The following JAKMIP1 variants were observed in gnomAD, a reference collection of about 807,000 sequenced individuals.
The protein encoded by JAKMIP1 is janus kinase and microtubule interacting protein 1.
In JAKMIP1, 33 loss-of-function variants were observed where a neutral mutation model predicts 113.0. That is an observed-to-expected ratio of 0.29 (90% CI 0.22 to 0.39). The LOEUF (loss-of-function observed/expected upper bound fraction) is 0.39, where lower values mean the gene tolerates loss of function less well. Among genes scored for constraint, JAKMIP1 ranks in the 10% least tolerant of loss-of-function variants. The probability of loss-of-function intolerance (pLI) is 1.00; values close to 1 mark genes in which losing one functional copy is unlikely to be tolerated. For synonymous variants in JAKMIP1, 480 were observed against 459.9 expected, an observed-to-expected ratio of 1.04 and a Z score of -0.56; for missense variants, 813 against 1,080.5, an observed-to-expected ratio of 0.75 and a Z score of 3.47.
chr4:6,146,015 C>T lies in JAKMIP1; in HGVS notation c.-147-33018G>A, dbSNP rs528876376. On this transcript the variant is annotated intron_variant, in intron 1 of 20. Transcript: ENST00000409021. ...GGGGGACACATTTCAGCCCATAGCA[C>T]GTTGCAAGTGTCTCTCAATAGATGA... Among the ~76,000 whole-genome samples, 8 of 152,254 alleles carry T rather than the reference C, an allele frequency of 5.3e-5. No homozygotes were observed. In the East Asian group the frequency reaches 5.8e-4, roughly 11 times the overall value.
At chr4:6,164,824 G>T (rs1197281362) in intron 1 of JAKMIP1, among the ~76,000 whole-genome samples, 3 of 152,244 alleles carry the variant, frequency 2.0e-5, no homozygotes, top group African/African-American at 7.2e-5. Context: ...CCGAAGATGT[G>T]AGTGAACTGC....
chr4:6,073,236 G>T (rs3901457), intron 8 of JAKMIP1, among the ~76,000 whole-genome samples: 2 of 151,856 alleles, frequency 1.3e-5, no homozygotes, highest in South Asian at 4.2e-4. Flanking sequence ...AGGGGCGTGG[G>T]GCTAGGAGTC....
chr4:6,090,269 G>C (rs1449331705), intron 3 of JAKMIP1, among the ~76,000 whole-genome samples: 1 of 152,076 alleles, frequency 6.6e-6, no homozygotes, highest in East Asian at 1.9e-4. Flanking sequence ...GACATGCAGG[G>C]GAGAAGGCCA....
chr4:6,101,732 CAAAAAAAA>C (rs56084278), intron 3 of JAKMIP1, among the ~76,000 whole-genome samples: 12 of 96,570 alleles, frequency 1.2e-4, no homozygotes, highest in African/African-American at 4.5e-4. Context: ...ACTAAAAATA[CAAAAAAAA>C]AAAAAAAAAA....
chr4:6,062,061 A>G (rs1044012327), intron 10 of JAKMIP1, among the ~76,000 whole-genome samples: 1 of 152,234 alleles, frequency 6.6e-6, no homozygotes, highest in Admixed American at 6.5e-5. Context: ...GCTCTCCTCC[A>G]AACAGACGGC....
chr4:6,057,132 C>T (rs1716587201), intron 11 of JAKMIP1, among the ~76,000 whole-genome samples: 1 of 152,184 alleles, frequency 6.6e-6, no homozygotes, highest in African/African-American at 2.4e-5. Flanking sequence ...TTGTTCATTC[C>T]ACTCTCTCTG....
At position 6,108,390 on chromosome 4, in the gene JAKMIP1, C is replaced by T. The variant is rs1714322842; in HGVS notation, c.130-2423G>A. ...AGAGGCACCTACACCAGCCGCTCCT[C>T]AGCACTTGGACTCTAAATGCAGCCA... On this transcript the variant is annotated intron_variant, in intron 2 of 20. Coordinates refer to ENST00000409021, the MANE Select transcript of JAKMIP1 (RefSeq NM_001099433.2). The surrounding 1 kb of genome is among the most constrained non-coding windows in gnomAD (Gnocchi z 5.6). Among the ~76,000 whole-genome samples, 1 of 152,198 alleles carries T rather than the reference C, an allele frequency of 6.6e-6. No individual in the cohort carries two copies. The highest frequency in any genetic ancestry group is 2.1e-4 in the South Asian group (1 of 4,824).
At chr4:6,034,975 G>C (rs1713211693) in intron 19 of JAKMIP1, among the ~76,000 whole-genome samples, 1 of 152,164 alleles carries the variant, frequency 6.6e-6, no homozygotes, top group Non-Finnish European at 1.5e-5. Context: ...GAGGAGAGGA[G>C]CATGCTGCTA....
rs1269704217 is a variant in JAKMIP1, at chr4:6,140,390, ACTGTCC to A, written c.-147-27399_-147-27394del. 6.6e-6 allele frequency among the ~76,000 whole-genome samples: 1 copy of A among 151,908 alleles called. No individual in the cohort carries two copies. Among genetic ancestry groups the A allele is most frequent in the Non-Finnish European group, 1.5e-5 (1 of 68,016 alleles). On this transcript the variant is annotated intron_variant, in intron 1 of 20. Coordinates refer to ENST00000409021, the MANE Select transcript of JAKMIP1 (RefSeq NM_001099433.2). This position sits in a 1 kb window ranked among gnomAD's most constrained non-coding sequence, Gnocchi z 9.4. ...GTGGCGAGGCTGGCTCAGCAGGAGC[ACTGTCC>A]CTGTTCCCCCAAAAGGCCCACCACA... is the stretch of plus-strand genomic sequence containing the variant.
rs1210793357 is a variant in JAKMIP1 at position 6,194,795 on chromosome 4, C to A, written c.-148+5458G>T. On this transcript the variant is annotated intron_variant, in intron 1 of 20. Coordinates refer to ENST00000409021, the MANE Select transcript of JAKMIP1 (RefSeq NM_001099433.2). The surrounding 1 kb of genome is among the most constrained non-coding windows in gnomAD (Gnocchi z 7.4). Reference sequence around the variant, plus strand: ...AGCCAGTCTAAGCCACGGTGGGAGACAGGAGAGCAGGCAGCCTGTACCCAG... The same window carrying A: ...AGCCAGTCTAAGCCACGGTGGGAGAAAGGAGAGCAGGCAGCCTGTACCCAG... 5.3e-5 allele frequency among the ~76,000 whole-genome samples: 8 copies of A among 152,194 alleles called. No homozygotes were observed. Among genetic ancestry groups the A allele is most frequent in the Admixed American group, 5.2e-4 (8 of 15,280 alleles).
chr4:6,104,354 C>A (rs548566357), intron 3 of JAKMIP1, among the ~76,000 whole-genome samples: 1 of 151,544 alleles, frequency 6.6e-6, no homozygotes, highest in East Asian at 1.9e-4. Flanking sequence ...TAATTTTTTT[C>A]TTTTATACAT....
Position 6,040,548 on chromosome 4 carries a change from C to T in JAKMIP1, c.2175+91G>A, listed in dbSNP as rs145222550. 2.1e-5 allele frequency: 18 copies of T among 845,066 alleles called. No individual in the cohort carries two copies. The East Asian group carries it at 2.6e-4, about 12-fold the overall frequency. 52.3% of individuals were successfully genotyped at this position (845,066 alleles called of 1,614,324 possible). ...ATCACTCCTGTTTGGCACTGGGGAG[C>T]GCCCTAAATGCAGTTTCAGCCCCAG... On this transcript the variant is annotated intron_variant, in intron 18 of 20. Transcript: ENST00000409021. This position sits in a 1 kb window ranked among gnomAD's most constrained non-coding sequence, Gnocchi z 5.8.
At position 6,093,182 on chromosome 4, in the gene JAKMIP1, G is replaced by T. The variant is rs999623329; in HGVS notation, c.625-7553C>A. ...TCACTTCCTCTGTGAAATGACTCCT[G>T]CATCTACCCACAGAAGTGATCACAT... On this transcript the variant is annotated intron_variant, in intron 3 of 20. Transcript: ENST00000409021. The surrounding 1 kb of genome is among the most constrained non-coding windows in gnomAD (Gnocchi z 4.6). 3.3e-5 allele frequency among the ~76,000 whole-genome samples: 5 copies of T among 152,098 alleles called. No individual in the cohort carries two copies. The highest frequency in any genetic ancestry group is 1.2e-4 in the African/African-American group (5 of 41,394).
rs945753081 is a variant in JAKMIP1 at position 6,196,659 on chromosome 4, G to T, written c.-148+3594C>A. Among the ~76,000 whole-genome samples the T allele has an allele frequency of 6.6e-5, 10 of 152,276 alleles. No homozygotes were observed. The East Asian group carries it at 1.9e-3, about 29-fold the overall frequency. On this transcript the variant is annotated intron_variant, in intron 1 of 20. Coordinates refer to ENST00000409021, the MANE Select transcript of JAKMIP1 (RefSeq NM_001099433.2). ...ACCTGAGGTGAGGTCAGGAGTTTGA[G>T]ACCAGCCTGGTTAACATGGTGAAAC...
Position 6,040,538 on chromosome 4 carries a change from C to T in JAKMIP1, c.2175+101G>A. 1.3e-6 allele frequency: 1 copy of T among 788,098 alleles called. No individual in the cohort carries two copies. Among genetic ancestry groups the T allele is most frequent in the South Asian group, 1.4e-5 (1 of 69,046 alleles). 48.8% of individuals were successfully genotyped at this position (788,098 alleles called of 1,614,324 possible). On this transcript the variant is annotated intron_variant, in intron 18 of 20. Transcript: ENST00000409021. The surrounding 1 kb of genome is among the most constrained non-coding windows in gnomAD (Gnocchi z 5.8). ...TGGCATTTTTATCACTCCTGTTTGG[C>T]ACTGGGGAGCGCCCTAAATGCAGTT...
chr4:6,109,703 A>G (rs1714601106), intron 2 of JAKMIP1, among the ~76,000 whole-genome samples: 1 of 152,078 alleles, frequency 6.6e-6, no homozygotes, highest in South Asian at 2.1e-4. Context: ...ATAGACAGAC[A>G]CGTTTACCAC....
At chr4:6,047,532 G>T (rs1560107876) in intron 16 of JAKMIP1, among the ~76,000 whole-genome samples, 1 of 152,216 alleles carries the variant, frequency 6.6e-6, no homozygotes, top group African/African-American at 2.4e-5. Flanking sequence ...GAAGACACAA[G>T]CTCAGCCAGG....
chr4:6,087,972 C>T (rs1177376691), intron 3 of JAKMIP1, among the ~76,000 whole-genome samples: 1 of 152,198 alleles, frequency 6.6e-6, no homozygotes, highest in Non-Finnish European at 1.5e-5. Flanking sequence ...GGAGCACTGT[C>T]CCTTCCACAG....
At chr4:6,079,563 A>T (rs1720202324) in intron 7 of JAKMIP1, among the ~76,000 whole-genome samples, 1 of 152,228 alleles carries the variant, frequency 6.6e-6, no homozygotes, top group Admixed American at 6.5e-5. Context: ...TCTAAGATCC[A>T]ACTAAAGCTC....
Sources: gnomAD v4.1 joint callset for allele counts (sites outside exome capture counted in the v4.1 genomes callset) on GRCh38, gnomAD v4.1.1 for gene constraint, Gnocchi (gnomAD v3.1) non-coding constraint, MANE v1.5 for transcripts, NCBI Gene and HGNC (gene_info 2026-07-23, HGNC 2026-07-21) for gene names.